RYR3: variants seen among roughly 807,000 people sequenced by gnomAD.
The protein encoded by RYR3 is brain ryanodine receptor-calcium release channel.
RYR3 carries 207 observed loss-of-function variants against 584.3 expected under a neutral mutation model. That is an observed-to-expected ratio of 0.35 (90% CI 0.32 to 0.40). RYR3 has a LOEUF of 0.40. RYR3 is among the 10% of genes least tolerant of loss of function. RYR3 has a pLI of 1.00. For synonymous variants in RYR3, 2,416 were observed against 2,248.5 expected, an observed-to-expected ratio of 1.07 and a Z score of -2.11; for missense variants, 5,616 against 6,089.2, an observed-to-expected ratio of 0.92 and a Z score of 2.59.
intron 57 of RYR3, among the ~76,000 whole-genome samples, chr15:33,754,022 G>A (rs551493753): frequency 6.6e-6 from 1 of 152,182 alleles, no homozygotes; most frequent in East Asian, 1.9e-4. Context: ...GTGCGTGCCT[G>A]TAATCCCAGC....
intron 1 of RYR3, 74 bp from the exon 2 acceptor site, chr15:33,473,345 G>A (rs1167693179): frequency 6.3e-7 from 1 of 1,591,084 alleles, no homozygotes; most frequent in South Asian, 1.1e-5. Flanking sequence ...ACCTGACTCA[G>A]GTACAGGAAG....
chr15:33,663,774 G>A (rs1394155646), intron 36 of RYR3, 37 bp downstream of exon 36: 4 of 1,544,424 alleles, frequency 2.6e-6, no homozygotes, highest in African/African-American at 2.7e-5. Flanking sequence ...CAGTTCCTAT[G>A]GAAGAACTTG....
At chr15:33,597,836 A>C (rs2059449435) in intron 16 of RYR3, among the ~76,000 whole-genome samples, 1 of 151,580 alleles carries the variant, frequency 6.6e-6, no homozygotes, top group Admixed American at 6.6e-5. Context: ...ACACACAAAA[A>C]AATACATATA....
intron 13 of RYR3, 50 bp downstream of exon 13, chr15:33,580,194 A>G: frequency 7.1e-7 from 1 of 1,409,442 alleles, no homozygotes; most frequent in East Asian, 2.5e-5. Flanking sequence ...CAGAGCTAGA[A>G]TATCCCTGTG....
At chr15:33,513,883 G>A (rs1002518490) in intron 3 of RYR3, among the ~76,000 whole-genome samples, 8 of 152,128 alleles carry the variant, frequency 5.3e-5, no homozygotes, top group African/African-American at 2.4e-5. Context: ...TCAGGAAAAT[G>A]GGAAAAACTG....
intron 4 of RYR3, among the ~76,000 whole-genome samples, chr15:33,532,175 A>C: frequency 6.6e-6 from 1 of 152,148 alleles, no homozygotes; most frequent in East Asian, 1.9e-4. Flanking sequence ...ACATCCCAAG[A>C]GCTTACCTGC....
chr15:33,669,854 G>GA (rs765175872), intron 37 of RYR3, among the ~76,000 whole-genome samples: 1 of 35,994 alleles, frequency 2.8e-5, no homozygotes, highest in Non-Finnish European at 6.4e-5. Flanking sequence ...GGGGGGGGGG[G>GA]GGGGTGTGGG....
chr15:33,432,668 T>TTGTG (rs58292418), intron 1 of RYR3, among the ~76,000 whole-genome samples: 3,561 of 132,084 alleles, frequency 0.027, 77 homozygotes, highest in Admixed American at 0.041. Flanking sequence ...GCCTAGCTAA[T>TTGTG]TGTGTGTGTG....
intron 14 of RYR3, among the ~76,000 whole-genome samples, chr15:33,584,023 G>A (rs1010143244): frequency 2.0e-5 from 3 of 149,238 alleles, no homozygotes; most frequent in African/African-American, 4.9e-5. Flanking sequence ...CTGTACTCCA[G>A]CCTGGGCAAC....
rs184556037 is a variant in RYR3 at position 33,814,181 on chromosome 15, T to G, written c.10502+602T>G. 2.1e-4 allele frequency among the ~76,000 whole-genome samples: 32 copies of G among 152,324 alleles called. 1 individual carries two copies. The highest frequency in any genetic ancestry group is 2.1e-3 in the Admixed American group (32 of 15,310). On this transcript the variant is annotated intron_variant, in intron 74 of 103. Transcript: ENST00000634891. The stretch of plus-strand genomic sequence containing the variant: ...CTGAAAAGTCTGGGACATATCCTTG[T>G]CAACATAGGGAATAGTATCAGTGAC...
intron 69 of RYR3, 199 bp downstream of exon 69, chr15:33,802,160 A>T: frequency 1.4e-6 from 1 of 725,024 alleles, no homozygotes; most frequent in Non-Finnish European, 2.6e-6. Context: ...CATTTTATGA[A>T]TAAATAGCTG....
At chr15:33,553,477 T>G (rs1395481970) in intron 10 of RYR3, among the ~76,000 whole-genome samples, 1 of 152,136 alleles carries the variant, frequency 6.6e-6, no homozygotes, top group Non-Finnish European at 1.5e-5. Context: ...GAGGTGTGAT[T>G]GAGCCTTGCT....
intron 66 of RYR3, 23 bp from the exon 67 acceptor site, chr15:33,788,195 G>A (rs773085838): frequency 6.2e-6 from 10 of 1,612,566 alleles, no homozygotes; most frequent in Middle Eastern, 1.6e-4. Flanking sequence ...GTGAAATGAC[G>A]GGGAGGCTCT....
chr15:33,352,744 G>A, intron 1 of RYR3, among the ~76,000 whole-genome samples: 1 of 152,170 alleles, frequency 6.6e-6, no homozygotes, highest in Non-Finnish European at 1.5e-5. Flanking sequence ...GAGTTTCAAG[G>A]TTGACTACTA....
intron 12 of RYR3, among the ~76,000 whole-genome samples, chr15:33,569,204 G>A (rs1402257940): frequency 6.6e-6 from 1 of 152,124 alleles, no homozygotes; most frequent in Admixed American, 6.6e-5. Flanking sequence ...TTTCTCTTGG[G>A]TAAATACTTA....
In RYR3 at chr15:33,722,785, G is replaced by A. The variant is rs757123345; in HGVS notation, c.6690G>A (p.Pro2230=). 2.7e-5 allele frequency: 43 copies of A among 1,613,208 alleles called. No individual in the cohort carries two copies. The highest frequency in any genetic ancestry group is 1.3e-4 in the South Asian group (12 of 90,846). ...LLIRRPECFG[P]ALRGEGGNGL... ...TCAGACGCCCAGAGTGCTTCGGCCC[G>A]GCCCTGCGGGGTGAGGGGGGAAACG... Residue 2230 remains proline, a synonymous_variant, in exon 44 of 104, where the codon CCG becomes CCA. Coordinates refer to ENST00000634891, the MANE Select transcript of RYR3 (RefSeq NM_001036.6).
chr15:33,382,701 A>G lies in RYR3; in HGVS notation c.51+71605A>G, dbSNP rs934862342. ...TGTACATTCATATGACGTAATCTTCAATATAAATTACATAAAATGCATTTG... is the reference window on the plus strand; with the variant it reads ...TGTACATTCATATGACGTAATCTTCGATATAAATTACATAAAATGCATTTG... On this transcript the variant is annotated intron_variant, in intron 1 of 103. Transcript: ENST00000634891. Among the ~76,000 whole-genome samples the G allele has an allele frequency of 2.6e-5, 4 of 152,338 alleles. No individual in the cohort carries two copies. In the East Asian group the frequency reaches 7.7e-4, roughly 29 times the overall value.
chr15:33,829,565 G>A (rs1021608253), intron 85 of RYR3, among the ~76,000 whole-genome samples: 11 of 151,938 alleles, frequency 7.2e-5, no homozygotes, highest in Admixed American at 2.6e-4. Flanking sequence ...TGGCTAACAC[G>A]GTGAAACCCC....
rs189403323 is a variant in RYR3 at position 33,313,306 on chromosome 15, T to C, written c.51+2210T>C. ...GTTATTGGTAATTTTCATTATACAATGTTCAATTACATTCCCGCTAGAGCC... is the reference window on the plus strand; with the variant it reads ...GTTATTGGTAATTTTCATTATACAACGTTCAATTACATTCCCGCTAGAGCC... On this transcript the variant is annotated intron_variant, in intron 1 of 103. Coordinates refer to ENST00000634891, the MANE Select transcript of RYR3 (RefSeq NM_001036.6). Among the ~76,000 whole-genome samples the C allele has an allele frequency of 1.3e-3, 205 of 152,330 alleles. 1 individual carries two copies. Among genetic ancestry groups the C allele is most frequent in the African/African-American group, 4.7e-3 (195 of 41,558 alleles).
Sources: allele counts gnomAD v4.1 joint callset (sites outside exome capture counted in the v4.1 genomes callset), GRCh38; gene constraint gnomAD v4.1.1; transcripts MANE v1.5; gene names NCBI Gene and HGNC (gene_info 2026-07-23, HGNC 2026-07-21).